Variants in KCNH8 observed in about 807,000 individuals in gnomAD.
KCNH8 encodes the protein voltage-gated delayed rectifier potassium channel KCNH8.
Under a neutral mutation model 103.6 loss-of-function variants are expected in KCNH8, and 70 were observed. That is an observed-to-expected ratio of 0.68 (90% confidence interval 0.56 to 0.82). The LOEUF (loss-of-function observed/expected upper bound fraction) is 0.82. KCNH8 is among the 40% of genes least tolerant of loss of function. The probability of loss-of-function intolerance (pLI) is 0.00; values close to 1 mark genes in which losing one functional copy is unlikely to be tolerated. For synonymous variants in KCNH8, 498 were observed against 489.4 expected (o/e 1.02, Z -0.23); for missense variants, 1,217 against 1,329.9 (o/e 0.92, Z 1.32).
At chr3:19,193,211 A>G (rs1317460246) in intron 1 of KCNH8, among the ~76,000 whole-genome samples, 2 of 151,716 alleles carry the variant, frequency 1.3e-5, no homozygotes, top group South Asian at 4.1e-4. Flanking sequence ...TAATGCCGAT[A>G]TTTAATAAGT....
intron 7 of KCNH8, among the ~76,000 whole-genome samples, chr3:19,399,872 G>C (rs538926234): frequency 6.6e-6 from 1 of 151,842 alleles, no homozygotes; most frequent in South Asian, 2.1e-4. Context: ...TTAGCAGGAT[G>C]TGTAGACTCA....
intron 1 of KCNH8, among the ~76,000 whole-genome samples, chr3:19,157,262 G>A (rs1306039003): frequency 2.0e-5 from 3 of 152,080 alleles, no homozygotes; most frequent in African/African-American, 7.2e-5. Context: ...TAAAGTAGAA[G>A]GTAAAATTGG....
intron 1 of KCNH8, among the ~76,000 whole-genome samples, chr3:19,169,301 C>CAGG (rs1386837007): frequency 2.7e-5 from 4 of 149,912 alleles, no homozygotes; most frequent in African/African-American, 9.9e-5. Context: ...CTCTTTCGCC[C>CAGG]AGGCTGGAGT....
At chr3:19,361,525 G>A (rs1490521071) in intron 5 of KCNH8, among the ~76,000 whole-genome samples, 1 of 152,060 alleles carries the variant, frequency 6.6e-6, no homozygotes, top group Admixed American at 6.6e-5. Flanking sequence ...CTAGTTTGCC[G>A]ATTCTCAGAG....
chr3:19,379,156 T>C (rs956632832), intron 5 of KCNH8, among the ~76,000 whole-genome samples: 12 of 152,310 alleles, frequency 7.9e-5, no homozygotes, highest in Admixed American at 3.3e-4. Context: ...TCGTAACAGA[T>C]TGAAAATCTG....
intron 3 of KCNH8, among the ~76,000 whole-genome samples, chr3:19,290,042 CTGTT>C (rs1423824946): frequency 2.6e-5 from 4 of 152,042 alleles, no homozygotes; most frequent in African/African-American, 4.8e-5. Flanking sequence ...ATTTGGCTCT[CTGTT>C]TGTCTGTTAT....
intron 3 of KCNH8, among the ~76,000 whole-genome samples, chr3:19,304,449 A>G (rs1331122952): frequency 6.6e-6 from 1 of 152,134 alleles, no homozygotes; most frequent in Non-Finnish European, 1.5e-5. Flanking sequence ...AACAAAGCTA[A>G]ATATTTAATA....
chr3:19,475,349 G>C (rs183618440), intron 11 of KCNH8, among the ~76,000 whole-genome samples: 146 of 152,238 alleles, frequency 9.6e-4, no homozygotes, highest in Middle Eastern at 6.8e-3. Context: ...AAGTGAATTT[G>C]CCTTGTTCAC....
At chr3:19,434,267 C>G (rs763694035) in intron 7 of KCNH8, among the ~76,000 whole-genome samples, 3 of 152,176 alleles carry the variant, frequency 2.0e-5, no homozygotes, top group Non-Finnish European at 4.4e-5. Context: ...GTAATCAATG[C>G]TATGAAGTAT....
In KCNH8 at chr3:19,535,408, C is replaced by A. The variant is rs1208658139; in HGVS notation, c.*1309C>A. The A allele has an allele frequency of 6.6e-6, 1 of 152,166 alleles. No individual in the cohort carries two copies. The highest frequency in any genetic ancestry group is 1.5e-5 in the Non-Finnish European group (1 of 68,034). 9.4% of individuals were successfully genotyped at this position (152,166 alleles called of 1,614,324 possible). ...AGATTACACAGTTAGGATGCTGACA[C>A]AGTCTAGAATCCATAATGCTCCCTA... On this transcript the variant is annotated 3_prime_UTR_variant, in exon 16 of 16. Transcript: ENST00000328405.
At chr3:19,378,075 G>A (rs1190194983) in intron 5 of KCNH8, among the ~76,000 whole-genome samples, 7 of 152,164 alleles carry the variant, frequency 4.6e-5, no homozygotes, top group African/African-American at 1.7e-4. Context: ...GGTTCTCTTA[G>A]ATAATCATTT....
chr3:19,381,903 T>G (rs1354558465), intron 5 of KCNH8, among the ~76,000 whole-genome samples: 1 of 152,166 alleles, frequency 6.6e-6, no homozygotes. Flanking sequence ...CATACTGATT[T>G]AAATGAAATT....
intron 7 of KCNH8, among the ~76,000 whole-genome samples, chr3:19,418,137 C>G (rs1024407697): frequency 1.3e-5 from 2 of 152,122 alleles, no homozygotes; most frequent in Admixed American, 6.5e-5. Context: ...TTGGGGGATT[C>G]ATCAGAGAAC....
intron 11 of KCNH8, among the ~76,000 whole-genome samples, chr3:19,508,200 T>G (rs921178809): frequency 6.6e-6 from 1 of 152,160 alleles, no homozygotes; most frequent in East Asian, 1.9e-4. Flanking sequence ...TGGCCTGAAG[T>G]TTTCTGTTTT....
rs141167902 is a variant in KCNH8, at chr3:19,340,415, T to C, written c.443-2172T>C. On this transcript the variant is annotated intron_variant, in intron 3 of 15. Transcript: ENST00000328405. ...GGGTACATGTGCACATTGTGCAGGT[T>C]AGTTACATATGTATACATGTGCCAT... Among the ~76,000 whole-genome samples the C allele has an allele frequency of 2.5e-3, 382 of 151,600 alleles. 2 individuals are homozygous for C. Among genetic ancestry groups the C allele is most frequent in the African/African-American group, 7.9e-3 (327 of 41,408 alleles).
intron 3 of KCNH8, among the ~76,000 whole-genome samples, chr3:19,335,008 A>G (rs2065562625): frequency 6.6e-6 from 1 of 151,854 alleles, no homozygotes; most frequent in African/African-American, 2.4e-5. Context: ...TGTATTTCCC[A>G]ATTTTCCATA....
At chr3:19,262,349 G>T (rs914959798) in intron 2 of KCNH8, among the ~76,000 whole-genome samples, 1 of 151,850 alleles carries the variant, frequency 6.6e-6, no homozygotes, top group Non-Finnish European at 1.5e-5. Flanking sequence ...ATACTAAGAA[G>T]ATATTCTTAA....
chr3:19,290,731 G>A (rs901183193), intron 3 of KCNH8, among the ~76,000 whole-genome samples: 21 of 152,238 alleles, frequency 1.4e-4, no homozygotes, highest in African/African-American at 4.1e-4. Context: ...TTCTCTGCCC[G>A]GCTTTGGTAT....
intron 6 of KCNH8, among the ~76,000 whole-genome samples, chr3:19,392,261 A>G (rs2125131909): frequency 6.7e-6 from 1 of 149,154 alleles, no homozygotes; most frequent in African/African-American, 2.5e-5. Context: ...CGTCAATCTT[A>G]TGTAATCTAA....
Sources: allele counts gnomAD v4.1 joint callset (sites outside exome capture counted in the v4.1 genomes callset), GRCh38; gene constraint gnomAD v4.1.1; transcripts MANE v1.5; gene names NCBI Gene and HGNC (gene_info 2026-07-23, HGNC 2026-07-21).